The following ERI1 variants were observed in gnomAD, a reference collection of about 807,000 sequenced individuals.
ERI1 encodes 3'-5' exoribonuclease 1.
Under a neutral mutation model 39.7 loss-of-function variants are expected in ERI1, and 39 were observed. The observed-to-expected ratio is 0.98, with a 90% confidence interval of 0.76 to 1.28. The LOEUF (loss-of-function observed/expected upper bound fraction) is 1.28. Ranked by LOEUF, ERI1 falls within the 50% of genes most tolerant of loss-of-function variation. The pLI is 0.00. For synonymous variants in ERI1, 204 were observed against 149.6 expected (o/e 1.36, Z -2.65); for missense variants, 581 against 416.9 (o/e 1.39, Z -3.43).
intron 3 of ERI1, among the ~76,000 whole-genome samples, chr8:9,066,693 A>G (rs1006837083): frequency 1.3e-5 from 2 of 152,162 alleles, no homozygotes; most frequent in Non-Finnish European, 2.9e-5. Context: ...TAAGTATTCT[A>G]TTTTCTTACC....
intron 3 of ERI1, among the ~76,000 whole-genome samples, chr8:9,065,691 T>C: frequency 2.4e-5 from 1 of 41,054 alleles, no homozygotes; most frequent in African/African-American, 8.3e-5. Context: ...CGAGACTCCA[T>C]CTCAAAAAAA....
chr8:9,036,986 CCAGT>C (rs1490415913), downstream of ERI1, among the ~76,000 whole-genome samples: 1 of 152,150 alleles, frequency 6.6e-6, no homozygotes, highest in Non-Finnish European at 1.5e-5. Flanking sequence ...CCTTTATTGT[CCAGT>C]CACTTTATCC....
At chr8:9,052,145 A>G (rs1798376164) in intron 3 of ERI1, among the ~76,000 whole-genome samples, 1 of 152,200 alleles carries the variant, frequency 6.6e-6, no homozygotes, top group African/African-American at 2.4e-5. Flanking sequence ...GTTAGCTCTT[A>G]TTACACGGGT....
At chr8:9,014,033 C>G (rs1348550412) in intron 3 of ERI1, among the ~76,000 whole-genome samples, 1 of 152,176 alleles carries the variant, frequency 6.6e-6, no homozygotes, top group Non-Finnish European at 1.5e-5. Flanking sequence ...TTTTAAAATA[C>G]AAGTCATTTC....
At chr8:9,058,660 T>C (rs1472821440) in intron 3 of ERI1, among the ~76,000 whole-genome samples, 1 of 152,194 alleles carries the variant, frequency 6.6e-6, no homozygotes, top group East Asian at 1.9e-4. Flanking sequence ...TGAATTGGCA[T>C]AGGTATTTCC....
At chr8:9,068,349 T>G (rs879341013) in intron 3 of ERI1, among the ~76,000 whole-genome samples, 1 of 152,174 alleles carries the variant, frequency 6.6e-6, no homozygotes. Context: ...CTCTCTCTCC[T>G]TTTTGGAGAC....
chr8:9,064,805 C>T (rs1046989480), intron 3 of ERI1, among the ~76,000 whole-genome samples: 3 of 152,112 alleles, frequency 2.0e-5, no homozygotes, highest in Admixed American at 6.5e-5. Context: ...CATGCGCATC[C>T]ATGTGAAGAG....
chr8:9,019,363 A>G (rs376893268), intron 5 of ERI1, among the ~76,000 whole-genome samples: 3 of 152,240 alleles, frequency 2.0e-5, no homozygotes, highest in Non-Finnish European at 4.4e-5. Context: ...TAATCACATC[A>G]TAACTGTTAA....
At chr8:9,005,583 C>G (rs937361581) in intron 1 of ERI1, among the ~76,000 whole-genome samples, 4 of 148,872 alleles carry the variant, frequency 2.7e-5, no homozygotes, top group African/African-American at 1.0e-4. Flanking sequence ...GGCTCAGTCT[C>G]GGCTCGCTGC....
intron 3 of ERI1, among the ~76,000 whole-genome samples, chr8:9,041,365 A>G (rs1197702469): frequency 1.3e-5 from 2 of 152,196 alleles, no homozygotes; most frequent in Non-Finnish European, 2.9e-5. Context: ...TTTAAAAATC[A>G]GGTGTGTTGA....
intron 3 of ERI1, among the ~76,000 whole-genome samples, chr8:9,095,726 G>A (rs1053637053): frequency 6.6e-6 from 1 of 152,092 alleles, no homozygotes; most frequent in Non-Finnish European, 1.5e-5. Context: ...TCACCATGTT[G>A]CCCACGCTGG....
In ERI1 at chr8:9,031,300, G is replaced by A. The variant is rs370053207; in HGVS notation, c.*1266G>A. 10 of 152,258 alleles carry A rather than the reference G, an allele frequency of 6.6e-5. No individual in the cohort carries two copies. In the East Asian group the frequency reaches 9.6e-4, roughly 15 times the overall value. 9.4% of individuals were successfully genotyped at this position (152,258 alleles called of 1,614,324 possible). On this transcript the variant is annotated 3_prime_UTR_variant, in exon 7 of 7. Coordinates refer to ENST00000250263, the MANE Select transcript of ERI1 (RefSeq NM_153332.4). The stretch of plus-strand genomic sequence containing the variant: ...CAGGAAAGTAGACATTTTTCTTGGC[G>A]TGGGAATTCTCTACATAGGGCAGTA...
chr8:9,027,875 CATT>C (rs573562712), intron 6 of ERI1, among the ~76,000 whole-genome samples: 1 of 152,180 alleles, frequency 6.6e-6, no homozygotes, highest in Non-Finnish European at 1.5e-5. Context: ...CTTGTGTTAA[CATT>C]ATTTTTTAAA....
In ERI1 at chr8:9,075,984, G is replaced by A. The variant is rs111628393; in HGVS notation, n.300-40364G>A. On this transcript the variant is annotated intron_variant and non_coding_transcript_variant, in intron 3 of 3. Coordinates refer to the ERI1 transcript ENST00000518663. ...ATTGTGTCACCCAGGCTGGAGTGCA[G>A]TGGCACAATCATGCAATCATGGCTC... 8.6e-5 allele frequency among the ~76,000 whole-genome samples: 13 copies of A among 152,042 alleles called. 1 individual carries two copies. Among genetic ancestry groups the A allele is most frequent in the African/African-American group, 3.1e-4 (13 of 41,462 alleles).
chr8:9,010,613 T>G (rs1816563428), intron 2 of ERI1, among the ~76,000 whole-genome samples: 1 of 152,244 alleles, frequency 6.6e-6, no homozygotes, highest in South Asian at 2.1e-4. Context: ...GATACTTTAC[T>G]TGGCACTACA....
intron 3 of ERI1, among the ~76,000 whole-genome samples, chr8:9,093,003 G>A (rs1044359909): frequency 3.3e-5 from 5 of 152,186 alleles, no homozygotes; most frequent in Non-Finnish European, 5.9e-5. Flanking sequence ...TTGCCTTCAC[G>A]TTCACGTGCT....
rs9650628 is a variant in ERI1, at chr8:9,011,525, C to T, written c.288-17C>T. 11 of 1,533,302 alleles carry T rather than the reference C, an allele frequency of 7.2e-6. No homozygotes were observed. The highest frequency in any genetic ancestry group is 9.8e-6 in the Non-Finnish European group (11 of 1,123,828). 95.0% of individuals were successfully genotyped at this position (1,533,302 alleles called of 1,614,324 possible). On this transcript the variant is annotated splice_polypyrimidine_tract_variant and intron_variant, in intron 2 of 6. Coordinates refer to ENST00000250263, the MANE Select transcript of ERI1 (RefSeq NM_153332.4). ...TAGAATTTACCTAAGTGTAACTAGT[C>T]TTCTTCTTCTACTTAGAGGAGTAAA...
At position 9,031,456 on chromosome 8, in the gene ERI1, A is replaced by C. The variant is rs1477084026; in HGVS notation, c.*1422A>C. The C allele has an allele frequency of 6.6e-6, 1 of 151,850 alleles. No individual in the cohort carries two copies. Among genetic ancestry groups the C allele is most frequent in the African/African-American group, 2.4e-5 (1 of 41,412 alleles). The allele number at this position is 151,850 out of a possible 1,614,324, so 9.4% of individuals were successfully genotyped here. A position where few individuals can be genotyped will look rare whatever the true frequency, so the allele number is the denominator to read the frequency against. On this transcript the variant is annotated 3_prime_UTR_variant, in exon 7 of 7. Transcript: ENST00000250263. ...TAGATGAACTGTTACAGATTATAGT[A>C]AAATAAGGAAATCTAAGTGCTTTAA...
intron 3 of ERI1, among the ~76,000 whole-genome samples, chr8:9,059,736 G>A (rs1330538818): frequency 3.3e-5 from 5 of 152,166 alleles, no homozygotes; most frequent in Admixed American, 2.0e-4. Flanking sequence ...TAAGAGTGGC[G>A]GTTTGGGGAT....
Sources: gnomAD v4.1 joint callset for allele counts (sites outside exome capture counted in the v4.1 genomes callset) on GRCh38, gnomAD v4.1.1 for gene constraint, MANE v1.5 for transcripts, NCBI Gene and HGNC (gene_info 2026-07-23, HGNC 2026-07-21) for gene names.